The following GRM7 variants were observed in gnomAD, a reference collection of about 807,000 sequenced individuals.
GRM7 encodes the protein glutamate metabotropic receptor 7, also known as metabotropic glutamate receptor 7.
Under a neutral mutation model 84.5 loss-of-function variants are expected in GRM7, and 35 were observed. The ratio of observed to expected loss-of-function variants is 0.41; its 90% CI spans 0.32 to 0.55. The LOEUF is 0.55. GRM7 is among the 20% of genes least tolerant of loss of function. The pLI, the probability that GRM7 is intolerant of heterozygous loss-of-function variation, is 0.19. For synonymous variants in GRM7, 487 were observed against 455.1 expected (o/e 1.07, Z -0.89); for missense variants, 1,003 against 1,194.6 (o/e 0.84, Z 2.36).
chr3:7,478,375 A>G (rs1192677594), intron 7 of GRM7, among the ~76,000 whole-genome samples: 1 of 152,174 alleles, frequency 6.6e-6, no homozygotes, highest in Non-Finnish European at 1.5e-5. Context: ...TGCTCATGCC[A>G]TTAAAAATTT....
intron 5 of GRM7, among the ~76,000 whole-genome samples, chr3:7,431,315 C>T (rs1176357207): frequency 6.6e-6 from 1 of 152,112 alleles, no homozygotes; most frequent in African/African-American, 2.4e-5. Context: ...AGACCCCCAA[C>T]CTACATATTG....
At chr3:6,931,444 T>C (rs1697497159) in intron 1 of GRM7, among the ~76,000 whole-genome samples, 1 of 152,158 alleles carries the variant, frequency 6.6e-6, no homozygotes, top group Non-Finnish European at 1.5e-5. Context: ...CACCTTCCAT[T>C]ACGTGGCTGT....
chr3:7,364,359 T>G (rs1031130269), intron 4 of GRM7, among the ~76,000 whole-genome samples: 1 of 151,812 alleles, frequency 6.6e-6, no homozygotes, highest in African/African-American at 2.4e-5. Context: ...ATAAATATGT[T>G]TGTTTGTTTT....
chr3:7,129,921 A>T (rs1693534679), intron 1 of GRM7, among the ~76,000 whole-genome samples: 1 of 152,220 alleles, frequency 6.6e-6, no homozygotes, highest in Non-Finnish European at 1.5e-5. Flanking sequence ...AAAATTTTGA[A>T]ATCACATATA....
chr3:7,357,958 A>T (rs893775924), intron 4 of GRM7, among the ~76,000 whole-genome samples: 1 of 152,132 alleles, frequency 6.6e-6, no homozygotes, highest in African/African-American at 2.4e-5. Context: ...AACTCATGTC[A>T]GTTACCTGCC....
At chr3:7,098,057 G>A (rs1470516796) in intron 1 of GRM7, among the ~76,000 whole-genome samples, 1 of 152,014 alleles carries the variant, frequency 6.6e-6, no homozygotes, top group Non-Finnish European at 1.5e-5. Context: ...TGTTTTCAAA[G>A]CAGCTGTTAA....
chr3:7,720,743 A>T (rs1701918420), intron 9 of GRM7, among the ~76,000 whole-genome samples: 1 of 152,230 alleles, frequency 6.6e-6, no homozygotes, highest in African/African-American at 2.4e-5. Flanking sequence ...GTTGTCCATA[A>T]CTTTTTGGTA....
chr3:6,973,436 C>T (rs1364722031), intron 1 of GRM7, among the ~76,000 whole-genome samples: 1 of 152,100 alleles, frequency 6.6e-6, no homozygotes, highest in East Asian at 1.9e-4. Flanking sequence ...TACACACATA[C>T]AAACACACAC....
chr3:7,162,728 CATTTTTTTTTTTTTTTTTT>C (rs1694665685), intron 2 of GRM7, among the ~76,000 whole-genome samples: 1 of 57,100 alleles, frequency 1.8e-5, no homozygotes, highest in African/African-American at 5.2e-5. Flanking sequence ...TCCCATTTTT[CATTTTTTTTTTTTTTTTTT>C]TTTTTTTTTT....
chr3:6,961,679 C>G (rs1693302430), intron 1 of GRM7, among the ~76,000 whole-genome samples: 5 of 152,140 alleles, frequency 3.3e-5, no homozygotes, highest in Admixed American at 3.3e-4. Flanking sequence ...AAACGCCTTA[C>G]CTTCCTACAA....
intron 8 of GRM7, among the ~76,000 whole-genome samples, chr3:7,646,706 A>T (rs1658898559): frequency 6.6e-6 from 1 of 152,172 alleles, no homozygotes; most frequent in Admixed American, 6.5e-5. Flanking sequence ...GGGGAAGGTT[A>T]TATGTATATG....
intron 8 of GRM7, among the ~76,000 whole-genome samples, chr3:7,631,009 T>C (rs1365368919): frequency 6.6e-6 from 1 of 152,222 alleles, no homozygotes; most frequent in Non-Finnish European, 1.5e-5. Context: ...AGAAAATTAC[T>C]GTGAAGCCAT....
intron 2 of GRM7, among the ~76,000 whole-genome samples, chr3:7,148,738 T>G (rs1355932989): frequency 6.6e-6 from 1 of 152,178 alleles, no homozygotes; most frequent in Non-Finnish European, 1.5e-5. Flanking sequence ...CCAGCTCATA[T>G]TTTTAGCCAA....
chr3:7,031,858 A>G (rs918245399), intron 1 of GRM7, among the ~76,000 whole-genome samples: 5 of 152,130 alleles, frequency 3.3e-5, no homozygotes, highest in East Asian at 3.9e-4. Context: ...TGTAGTAAAT[A>G]TATATGAAAA....
At chr3:7,720,559 A>G (rs1174263641) in intron 9 of GRM7, among the ~76,000 whole-genome samples, 1 of 152,172 alleles carries the variant, frequency 6.6e-6, no homozygotes, top group Non-Finnish European at 1.5e-5. Flanking sequence ...AGTCTCCCAG[A>G]ATCCAAATAT....
At chr3:7,713,988 C>T (rs566261810) in intron 9 of GRM7, among the ~76,000 whole-genome samples, 50 of 152,110 alleles carry the variant, frequency 3.3e-4, no homozygotes, top group African/African-American at 1.2e-3. Flanking sequence ...GAGCCACTTG[C>T]ATCAGGCCTT....
At chr3:7,418,527 G>T (rs1696265079) in intron 5 of GRM7, among the ~76,000 whole-genome samples, 1 of 152,116 alleles carries the variant, frequency 6.6e-6, no homozygotes, top group Admixed American at 6.6e-5. Flanking sequence ...ATTTTCATTT[G>T]CAGGCAGAAA....
chr3:7,204,295 TTC>T (rs1429794383), intron 2 of GRM7, among the ~76,000 whole-genome samples: 1 of 152,208 alleles, frequency 6.6e-6, no homozygotes, highest in Non-Finnish European at 1.5e-5. Context: ...CTTTCAGTGG[TTC>T]TCTCTTAGGA....
intron 1 of GRM7, among the ~76,000 whole-genome samples, chr3:6,898,453 G>A (rs1375512636): frequency 6.7e-6 from 1 of 149,666 alleles, no homozygotes; most frequent in African/African-American, 2.5e-5. Context: ...AACAGTGAAT[G>A]TTCTGTGTGT....
Sources: allele counts gnomAD v4.1 joint callset (sites outside exome capture counted in the v4.1 genomes callset), GRCh38; gene constraint gnomAD v4.1.1; transcripts MANE v1.5; gene names NCBI Gene and HGNC (gene_info 2026-07-23, HGNC 2026-07-21).